The following COL23A1 variants were observed in gnomAD, a reference collection of about 807,000 sequenced individuals.
COL23A1 encodes collagen alpha-1(XXIII) chain.
Under a neutral mutation model 99.3 loss-of-function variants are expected in COL23A1, and 97 were observed. That is an observed-to-expected ratio of 0.98 (90% CI 0.83 to 1.16). COL23A1 has a LOEUF of 1.16. Among genes scored for constraint, COL23A1 ranks in the 50% most tolerant of loss-of-function variants. The pLI is 0.00. For missense variants in COL23A1, 762 were observed against 757.4 expected, an observed-to-expected ratio of 1.01 and a Z score of -0.07; for synonymous variants, 320 against 308.2, an observed-to-expected ratio of 1.04 and a Z score of -0.40.
intron 2 of COL23A1, among the ~76,000 whole-genome samples, chr5:178,516,489 C>T (rs1759523931): frequency 6.6e-6 from 1 of 152,236 alleles, no homozygotes; most frequent in Admixed American, 6.5e-5. Context: ...GCCTCCTCCC[C>T]TCCTCTCCGG....
intron 2 of COL23A1, among the ~76,000 whole-genome samples, chr5:178,342,968 A>G (rs1365565603): frequency 6.6e-6 from 1 of 152,242 alleles, no homozygotes. Flanking sequence ...ACACTTTCCA[A>G]CAACCACATG....
intron 2 of COL23A1, among the ~76,000 whole-genome samples, chr5:178,518,922 G>C (rs1330647612): frequency 1.1e-5 from 1 of 93,206 alleles, no homozygotes; most frequent in South Asian, 4.6e-4. Context: ...TCCTCCCGGC[G>C]GTCGGGCGGC....
intron 2 of COL23A1, among the ~76,000 whole-genome samples, chr5:178,478,341 A>G (rs945569905): frequency 6.6e-5 from 10 of 152,184 alleles, no homozygotes; most frequent in African/African-American, 2.4e-4. Context: ...GTTATCCGGG[A>G]CTAACTGGAA....
chr5:178,385,562 G>A (rs564681943), intron 2 of COL23A1, among the ~76,000 whole-genome samples: 2 of 152,166 alleles, frequency 1.3e-5, no homozygotes, highest in Non-Finnish European at 2.9e-5. Flanking sequence ...GGGTGGCCCT[G>A]CTCTCCCTGT....
intron 2 of COL23A1, among the ~76,000 whole-genome samples, chr5:178,325,318 C>T (rs1231707236): frequency 6.6e-6 from 1 of 152,252 alleles, no homozygotes; most frequent in African/African-American, 2.4e-5. Flanking sequence ...TCCCCGCTGT[C>T]TTTGGGACAG....
At chr5:178,259,840 A>G in intron 11 of COL23A1, 93 bp from the exon 12 acceptor site, 2 of 1,244,656 alleles carry the variant, frequency 1.6e-6, no homozygotes, top group Non-Finnish European at 2.2e-6. Flanking sequence ...TAGAAGTGGC[A>G]CTGATGACCC....
chr5:178,285,880 T>G (rs369172688), intron 5 of COL23A1, among the ~76,000 whole-genome samples: 16 of 152,232 alleles, frequency 1.1e-4, no homozygotes, highest in East Asian at 9.6e-4. Context: ...CACTCAGGAC[T>G]GGGCCCCAGG....
chr5:178,246,052 G>T (rs1435456887), intron 24 of COL23A1, 84 bp from the exon 25 acceptor site: 1 of 1,521,238 alleles, frequency 6.6e-7, no homozygotes, highest in African/African-American at 1.4e-5. Context: ...CCTGTGGGTT[G>T]GCCACAGACA....
chr5:178,322,080 C>A lies in COL23A1; in HGVS notation c.362-15161G>T, dbSNP rs567556517. Among the ~76,000 whole-genome samples, 18 of 151,990 alleles carry A rather than the reference C, an allele frequency of 1.2e-4. No homozygotes were observed. In the South Asian group the frequency reaches 3.5e-3, roughly 30 times the overall value. ...TGATCTCAGCTCACTGCAACCTCCGCCTCCTGAGTTCAAGCGATTCTCCTG... is the reference window on the plus strand; with the variant it reads ...TGATCTCAGCTCACTGCAACCTCCGACTCCTGAGTTCAAGCGATTCTCCTG... On this transcript the variant is annotated intron_variant, in intron 2 of 28. Coordinates refer to ENST00000390654, the MANE Select transcript of COL23A1 (RefSeq NM_173465.4).
chr5:178,244,772 A>G (rs1034297146), intron 25 of COL23A1, among the ~76,000 whole-genome samples: 2 of 152,208 alleles, frequency 1.3e-5, no homozygotes, highest in Non-Finnish European at 2.9e-5. Flanking sequence ...TTTTCTATGT[A>G]TGCTACCAGA....
intron 3 of COL23A1, among the ~76,000 whole-genome samples, chr5:178,290,742 G>T (rs946421744): frequency 2.6e-5 from 4 of 151,932 alleles, no homozygotes; most frequent in Non-Finnish European, 5.9e-5. Flanking sequence ...AGGGCAGACT[G>T]GGGGAGCAAA....
At chr5:178,499,767 T>G (rs527897166) in intron 2 of COL23A1, among the ~76,000 whole-genome samples, 2 of 152,368 alleles carry the variant, frequency 1.3e-5, no homozygotes, top group African/African-American at 2.4e-5. Context: ...CCTAGCAGCC[T>G]TCTTTGTAAT....
chr5:178,537,631 G>A (rs776631290), intron 2 of COL23A1, among the ~76,000 whole-genome samples: 20 of 152,228 alleles, frequency 1.3e-4, no homozygotes, highest in Admixed American at 2.0e-4. Flanking sequence ...TGGACACCAC[G>A]GTCTGCCGAA....
chr5:178,360,144 G>C (rs948460810), intron 2 of COL23A1, among the ~76,000 whole-genome samples: 15 of 152,112 alleles, frequency 9.9e-5, no homozygotes, highest in Non-Finnish European at 2.1e-4. Context: ...TCCAGGGATA[G>C]CCTCTCCTGC....
At chr5:178,414,499 T>C (rs28542695) in intron 2 of COL23A1, among the ~76,000 whole-genome samples, 152 of 152,000 alleles carry the variant, frequency 1.0e-3, no homozygotes, top group Admixed American at 3.4e-3. Flanking sequence ...AGGGCCGGTG[T>C]GGTGGCTCAC....
At chr5:178,294,725 C>A (rs1421199038) in intron 3 of COL23A1, among the ~76,000 whole-genome samples, 1 of 152,172 alleles carries the variant, frequency 6.6e-6, no homozygotes, top group East Asian at 1.9e-4. Flanking sequence ...TCCTTTCTAG[C>A]CTGGGAGAGG....
rs554017795 is a variant in COL23A1 at position 178,397,327 on chromosome 5, C to T, written c.362-90408G>A. 7.0e-4 allele frequency among the ~76,000 whole-genome samples: 107 copies of T among 152,346 alleles called. 3 individuals are homozygous for T. The South Asian group carries it at 0.022, about 31-fold the overall frequency. On this transcript the variant is annotated intron_variant, in intron 2 of 28. Coordinates refer to ENST00000390654, the MANE Select transcript of COL23A1 (RefSeq NM_173465.4). ...AGCAAGACGCAAGGAGGGGGCGCTC[C>T]GGCAGGCCTCTCGCAGGAGTGAGGC...
chr5:178,357,718 ATG>A (rs144352054), intron 2 of COL23A1, among the ~76,000 whole-genome samples: 2,577 of 145,886 alleles, frequency 0.018, 72 homozygotes, highest in African/African-American at 0.059. Flanking sequence ...AAATGTGTGT[ATG>A]TGTGTGTGTG....
At chr5:178,240,454 C>T (rs1431299557) in intron 27 of COL23A1, among the ~76,000 whole-genome samples, 5 of 152,212 alleles carry the variant, frequency 3.3e-5, no homozygotes, top group Admixed American at 1.3e-4. Context: ...CAGGCCAGGC[C>T]GCCTACCGCA....
Sources: allele counts gnomAD v4.1 joint callset (sites outside exome capture counted in the v4.1 genomes callset), GRCh38; gene constraint gnomAD v4.1.1; transcripts MANE v1.5; gene names NCBI Gene and HGNC (gene_info 2026-07-23, HGNC 2026-07-21).